The following ZIM2 variants were observed in gnomAD, a reference collection of about 807,000 sequenced individuals.
ZIM2 encodes the protein zinc finger imprinted 2, also known as zinc finger protein 656.
In ZIM2, 14 loss-of-function variants were observed where a neutral mutation model predicts 38.6. The observed-to-expected ratio is 0.36, with a 90% confidence interval of 0.24 to 0.57. The LOEUF is 0.57. Among genes scored for constraint, ZIM2 ranks in the 20% least tolerant of loss-of-function variants. ZIM2 has a pLI of 0.81. For synonymous variants in ZIM2, 247 were observed against 245.8 expected, an observed-to-expected ratio of 1.00 and a Z score of -0.04; for missense variants, 680 against 695.1, an observed-to-expected ratio of 0.98 and a Z score of 0.24.
chr19:56,782,087 A>G lies in ZIM2; in HGVS notation c.605T>C (p.Val202Ala). Residue 202 changes from valine (V) to alanine (A), a missense_variant, in exon 11 of 13, where the codon GTG (valine) becomes GCG (alanine). Coordinates refer to ENST00000629319, the MANE Select transcript of ZIM2 (RefSeq NM_001387356.1). The part of the protein sequence containing the change: ...PDFKHLGTFL[V>A]FEELVTFEDV... ...CTCGAAGGTCACCAACTCCTCAAAC[A>G]CCAGAAATGTTCCTAAGTGTTTGAA... The G allele has an allele frequency of 1.2e-6, 2 of 1,613,946 alleles. No homozygotes were observed. The highest frequency in any genetic ancestry group is 1.7e-6 in the Non-Finnish European group (2 of 1,179,878).
chr19:56,831,650 A>G (rs748192584), intron 2 of ZIM2, among the ~76,000 whole-genome samples: 14 of 152,266 alleles, frequency 9.2e-5, no homozygotes, highest in Non-Finnish European at 1.8e-4. Flanking sequence ...GAATGAAAAC[A>G]AAGTATTTAG....
intron 9 of ZIM2, among the ~76,000 whole-genome samples, chr19:56,794,490 T>C (rs1252327652): frequency 6.6e-6 from 1 of 152,250 alleles, no homozygotes; most frequent in African/African-American, 2.4e-5. Flanking sequence ...TTGTTTTCCA[T>C]TAGAAATCAT....
At chr19:56,779,280 C>G in intron 12 of ZIM2, 97 bp downstream of exon 12, 1 of 1,259,792 alleles carries the variant, frequency 7.9e-7, no homozygotes, top group Non-Finnish European at 1.1e-6. Flanking sequence ...GGGCACCTAC[C>G]AGACTTCTCC....
chr19:56,828,397 C>CATTGA (rs1219193670), intron 2 of ZIM2, among the ~76,000 whole-genome samples: 1 of 152,180 alleles, frequency 6.6e-6, no homozygotes, highest in Non-Finnish European at 1.5e-5. Flanking sequence ...CCTATCTTGG[C>CATTGA]AATTCCACTT....
chr19:56,792,530 CAAAAAAAAAAAAA>C (rs1215431208), intron 9 of ZIM2, among the ~76,000 whole-genome samples: 2 of 20,954 alleles, frequency 9.5e-5, no homozygotes, highest in Non-Finnish European at 2.4e-4. Flanking sequence ...GACTCTGTCT[CAAAAAAAAAAAAA>C]AAAAAAAAAA....
At chr19:56,786,742 T>C (rs886747120) in intron 10 of ZIM2, among the ~76,000 whole-genome samples, 7 of 152,196 alleles carry the variant, frequency 4.6e-5, no homozygotes, top group African/African-American at 9.7e-5. Context: ...ATTTCATTCA[T>C]GGATAGTGTG....
intron 12 of ZIM2, 67 bp downstream of exon 12, chr19:56,779,310 G>C: frequency 6.4e-6 from 10 of 1,560,858 alleles, no homozygotes; most frequent in Non-Finnish European, 8.8e-6. Context: ...GGACTTTGAG[G>C]AAAGCTCTCT....
chr19:56,796,351 T>G (rs561929201), intron 9 of ZIM2, among the ~76,000 whole-genome samples: 1 of 152,368 alleles, frequency 6.6e-6, no homozygotes, highest in East Asian at 1.9e-4. Context: ...ATGGCAAATT[T>G]AAGTTGTGGT....
rs760221157 is a variant in ZIM2 at position 56,814,002 on chromosome 19, G to T, written c.490+3744C>A. ...CTTCAATTCCCACACCGTCAGGCTCGTCGGCATCTCCCTCTGGCTCTTCAG... is the reference window on the plus strand; with the variant it reads ...CTTCAATTCCCACACCGTCAGGCTCTTCGGCATCTCCCTCTGGCTCTTCAG... On this transcript the variant is annotated intron_variant, in intron 9 of 12. Transcript: ENST00000629319. The surrounding 1 kb of genome is among the most constrained non-coding windows in gnomAD (Gnocchi z 5.8). 1 of 1,614,000 alleles carries T rather than the reference G, an allele frequency of 6.2e-7. No homozygotes were observed. Among genetic ancestry groups the T allele is most frequent in the East Asian group, 2.2e-5 (1 of 44,848 alleles).
At chr19:56,809,060 T>C (rs1412231231) in intron 9 of ZIM2, among the ~76,000 whole-genome samples, 5 of 152,232 alleles carry the variant, frequency 3.3e-5, no homozygotes, top group Admixed American at 1.3e-4. Context: ...GAGGAAGGAA[T>C]TGCCCAAGAG....
In ZIM2 at chr19:56,816,741, C is replaced by T. The variant is rs758191740; in HGVS notation, c.490+1005G>A. ...AACTATGAAGGAAGGTTTCCTTACA[C>T]ACCCTGCACTCGTAGAATTTGTCTT... On this transcript the variant is annotated intron_variant, in intron 9 of 12. Transcript: ENST00000629319. 2.5e-6 allele frequency: 4 copies of T among 1,614,022 alleles called. No individual in the cohort carries two copies. In the African/African-American group the frequency reaches 4.0e-5, roughly 16 times the overall value.
chr19:56,813,090 A>T (rs1035016711), intron 9 of ZIM2: 22 of 985,452 alleles, frequency 2.2e-5, no homozygotes, highest in Non-Finnish European at 2.7e-5. Context: ...GGTAAGAAAC[A>T]AAACAATTAC....
intron 12 of ZIM2, among the ~76,000 whole-genome samples, chr19:56,778,372 A>G (rs1290491258): frequency 6.6e-6 from 1 of 152,356 alleles, no homozygotes; most frequent in East Asian, 1.9e-4. Context: ...TTGTTTGGAC[A>G]TCCACTTTTC....
Position 56,823,644 on chromosome 19 carries a change from TGTC to T in ZIM2, c.49_51del (p.Asp17del). ...GAGGACTCTCTTCTGTTCCGGGTCATGTCGTCGTCGCTGGTCACGTCACTGTTG... is the reference window on the plus strand; with the variant it reads ...GAGGACTCTCTTCTGTTCCGGGTCATGTCGTCGCTGGTCACGTCACTGTTG... On this transcript the variant is annotated inframe_deletion, in exon 5 of 13. Coordinates refer to ENST00000629319, the MANE Select transcript of ZIM2 (RefSeq NM_001387356.1). The T allele has an allele frequency of 6.2e-7, 1 of 1,614,136 alleles. No homozygotes were observed.
At chr19:56,782,877 T>C (rs1307361566) in intron 10 of ZIM2, among the ~76,000 whole-genome samples, 2 of 151,548 alleles carry the variant, frequency 1.3e-5, no homozygotes, top group African/African-American at 4.9e-5. Flanking sequence ...TAATAAAGAG[T>C]TACACTCTTT....
intron 9 of ZIM2, chr19:56,799,714 C>G (rs1199682815): frequency 6.6e-6 from 1 of 152,056 alleles, no homozygotes; most frequent in African/African-American, 2.4e-5. Context: ...GCCACACATG[C>G]AAAAGAAATA....
chr19:56,800,167 T>C (rs903707352), intron 9 of ZIM2, among the ~76,000 whole-genome samples: 1 of 152,266 alleles, frequency 6.6e-6, no homozygotes, highest in East Asian at 1.9e-4. Flanking sequence ...AAGATCTGTA[T>C]GTTTTGATGT....
At chr19:56,779,654 A>T (rs562266570) in intron 11 of ZIM2, among the ~76,000 whole-genome samples, 182 bp from the exon 12 acceptor site, 11 of 152,182 alleles carry the variant, frequency 7.2e-5, no homozygotes, top group Admixed American at 5.9e-4. Context: ...TTTGGTTGTC[A>T]TAACTGTGGG....
At chr19:56,822,620 TA>T in intron 6 of ZIM2, 132 bp downstream of exon 6, 1 of 1,289,254 alleles carries the variant, frequency 7.8e-7, no homozygotes, top group Non-Finnish European at 1.1e-6. Context: ...AGCCTTGGAC[TA>T]AACTTTTGGG....
Sources: allele counts gnomAD v4.1 joint callset (sites outside exome capture counted in the v4.1 genomes callset), GRCh38; gene constraint gnomAD v4.1.1; non-coding constraint Gnocchi (gnomAD v3.1); transcripts MANE v1.5; gene names NCBI Gene and HGNC (gene_info 2026-07-23, HGNC 2026-07-21).